The following DNAAF4 variants were observed in gnomAD, a reference collection of about 807,000 sequenced individuals.
DNAAF4 encodes the protein dynein assembly factor 4, axonemal.
A neutral mutation model predicts 51.8 loss-of-function variants in DNAAF4; 43 were observed. The observed-to-expected ratio is 0.83, with a 90% confidence interval of 0.65 to 1.07. The LOEUF is 1.07. DNAAF4 is among the 50% of genes least tolerant of loss of function. DNAAF4 has a pLI of 0.00. For missense variants in DNAAF4, 581 were observed against 493.0 expected (o/e 1.18, Z -1.69); for synonymous variants, 194 against 165.6 (o/e 1.17, Z -1.32).
intron 1 of DNAAF4, among the ~76,000 whole-genome samples, chr15:55,502,249 C>T (rs2058703571): frequency 6.6e-6 from 1 of 151,944 alleles, no homozygotes; most frequent in Non-Finnish European, 1.5e-5. Context: ...GTTTGGTTCC[C>T]CCATAGTATG....
intron 8 of DNAAF4, 26 bp from the exon 9 acceptor site, chr15:55,432,628 A>G: frequency 1.9e-6 from 3 of 1,570,140 alleles, no homozygotes; most frequent in Non-Finnish European, 2.6e-6. Context: ...TAATTATTAC[A>G]AGAAAGTTAT....
intron 4 of DNAAF4, among the ~76,000 whole-genome samples, chr15:55,478,016 T>C (rs2058359659): frequency 6.6e-6 from 1 of 152,138 alleles, no homozygotes; most frequent in Admixed American, 6.5e-5. Context: ...CAGTTAAGAC[T>C]CTAGCAGTGC....
chr15:55,447,184 G>A (rs1340464660), intron 6 of DNAAF4, among the ~76,000 whole-genome samples: 5 of 142,088 alleles, frequency 3.5e-5, no homozygotes, highest in East Asian at 2.1e-4. Context: ...GATGATGGGC[G>A]GCCGGGCAGA....
At chr15:55,480,241 T>C (rs2058390584) in intron 4 of DNAAF4, among the ~76,000 whole-genome samples, 1 of 152,040 alleles carries the variant, frequency 6.6e-6, no homozygotes, top group African/African-American at 2.4e-5. Context: ...AGCTGTAAAA[T>C]TCCTCTCTTT....
intron 4 of DNAAF4, among the ~76,000 whole-genome samples, chr15:55,490,722 G>A (rs2058558789): frequency 6.6e-6 from 1 of 152,172 alleles, no homozygotes. Flanking sequence ...GGGAGGCCGA[G>A]ACGGGCAGAT....
intron 4 of DNAAF4, among the ~76,000 whole-genome samples, chr15:55,487,011 A>T (rs2058499049): frequency 6.6e-6 from 1 of 152,152 alleles, no homozygotes; most frequent in Admixed American, 6.6e-5. Flanking sequence ...CTAAAAGACA[A>T]ACTCAACTAA....
At chr15:55,482,458 C>T (rs2058425124) in intron 4 of DNAAF4, among the ~76,000 whole-genome samples, 1 of 152,096 alleles carries the variant, frequency 6.6e-6, no homozygotes, top group Non-Finnish European at 1.5e-5. Flanking sequence ...GGGTGGATCA[C>T]CTGAGGTCAA....
At chr15:55,434,849 C>G (rs1359290015) in intron 8 of DNAAF4, 56 bp downstream of exon 8, 1 of 1,321,508 alleles carries the variant, frequency 7.6e-7, no homozygotes, top group Middle Eastern at 2.3e-4. Context: ...ATCATTTAAA[C>G]CAATTAATAG....
intron 1 of DNAAF4, among the ~76,000 whole-genome samples, chr15:55,501,264 G>T (rs140919837): frequency 1.3e-5 from 2 of 151,464 alleles, no homozygotes; most frequent in Non-Finnish European, 2.9e-5. Context: ...GGGTTTCACC[G>T]TATTGGCCAA....
intron 4 of DNAAF4, among the ~76,000 whole-genome samples, chr15:55,478,423 G>A (rs936725288): frequency 1.3e-5 from 2 of 152,196 alleles, no homozygotes; most frequent in African/African-American, 4.8e-5. Flanking sequence ...GGTCAGTGAT[G>A]CAGACAACGT....
At chr15:55,438,787 A>C (rs977916445) in intron 7 of DNAAF4, among the ~76,000 whole-genome samples, 4 of 132,872 alleles carry the variant, frequency 3.0e-5, no homozygotes, top group Admixed American at 2.9e-4. Flanking sequence ...ACTATCTCAC[A>C]AAAAAAAAAA....
At chr15:55,426,025 G>C (rs1412019513), downstream of DNAAF4, among the ~76,000 whole-genome samples, 2 of 152,174 alleles carry the variant, frequency 1.3e-5, no homozygotes. Context: ...TTGGGAATCA[G>C]AGTTTTTAAG....
chr15:55,443,840 G>A (rs1184659922), intron 6 of DNAAF4, among the ~76,000 whole-genome samples: 1 of 152,162 alleles, frequency 6.6e-6, no homozygotes, highest in African/African-American at 2.4e-5. Context: ...CTGCATAAAT[G>A]TCTTCTTTTG....
chr15:55,421,187 C>CAAA (rs35897132), intron 7 of DNAAF4, among the ~76,000 whole-genome samples: 3,169 of 110,096 alleles, frequency 0.029, 87 homozygotes, highest in Middle Eastern at 0.05. Flanking sequence ...GAGACTATCT[C>CAAA]AAAAAAAAAA....
Position 55,498,537 on chromosome 15 carries a change from G to C in DNAAF4, c.-208C>G. The C allele has an allele frequency of 7.1e-6, 3 of 420,948 alleles. No individual in the cohort carries two copies. Among genetic ancestry groups the C allele is most frequent in the African/African-American group, 2.3e-5 (1 of 42,708 alleles). The allele number at this position is 420,948 out of a possible 1,614,324, so 26.1% of individuals were successfully genotyped here. A position where few individuals can be genotyped will look rare whatever the true frequency, so the allele number is the denominator to read the frequency against. ...CCAGAGAGTGATGCCGATTCTTGGG[G>C]TTACCTTACGATCTGAGCGAATGTT... On this transcript the variant is annotated 5_prime_UTR_variant, in exon 2 of 10. Coordinates refer to ENST00000321149, the MANE Select transcript of DNAAF4 (RefSeq NM_130810.4).
At chr15:55,478,321 T>C (rs979600143) in intron 4 of DNAAF4, among the ~76,000 whole-genome samples, 13 of 152,190 alleles carry the variant, frequency 8.5e-5, no homozygotes, top group Admixed American at 3.3e-4. Flanking sequence ...GGGTTTCTAA[T>C]AGTACCAAGC....
intron 8 of DNAAF4, among the ~76,000 whole-genome samples, chr15:55,433,736 T>C (rs1452723029): frequency 1.6e-5 from 2 of 127,304 alleles, no homozygotes; most frequent in Admixed American, 1.0e-4. Context: ...AATATATATA[T>C]AATTATTTGT....
intron 1 of DNAAF4, among the ~76,000 whole-genome samples, chr15:55,507,910 TC>T (rs2141618011): frequency 6.6e-6 from 1 of 152,220 alleles, no homozygotes; most frequent in South Asian, 2.1e-4. Context: ...AATGTGGTCC[TC>T]CCCACCACCA....
At chr15:55,472,380 G>A (rs1268484001) in intron 4 of DNAAF4, among the ~76,000 whole-genome samples, 2 of 152,134 alleles carry the variant, frequency 1.3e-5, no homozygotes, top group Non-Finnish European at 2.9e-5. Context: ...CACTTTGGGA[G>A]GCCCAGGCAG....
Sources: allele counts gnomAD v4.1 joint callset (sites outside exome capture counted in the v4.1 genomes callset), GRCh38; gene constraint gnomAD v4.1.1; transcripts MANE v1.5; gene names NCBI Gene and HGNC (gene_info 2026-07-23, HGNC 2026-07-21).